The following EYA3 variants were observed in gnomAD, a reference collection of about 807,000 sequenced individuals.
EYA3 encodes the protein protein phosphatase EYA3.
A neutral mutation model predicts 80.0 loss-of-function variants in EYA3; 39 were observed. The observed-to-expected ratio is 0.49, with a 90% CI of 0.38 to 0.64. The LOEUF is 0.64. Ranked by LOEUF, EYA3 falls within the 30% of genes least tolerant of loss-of-function variation. The pLI, the probability that EYA3 is intolerant of heterozygous loss-of-function variation, is 0.00. For missense variants in EYA3, 523 were observed against 676.1 expected, an observed-to-expected ratio of 0.77 and a Z score of 2.51; for synonymous variants, 206 against 232.8, an observed-to-expected ratio of 0.88 and a Z score of 1.05.
At chr1:28,008,897 T>C (rs188470547) in intron 10 of EYA3, among the ~76,000 whole-genome samples, 233 of 152,310 alleles carry the variant, frequency 1.5e-3, no homozygotes, top group Non-Finnish European at 2.5e-3. Flanking sequence ...TGAGCCGAGA[T>C]TGTGCCACTG....
At chr1:27,983,648 T>TTA (rs1639456911) in intron 16 of EYA3, among the ~76,000 whole-genome samples, 1 of 152,204 alleles carries the variant, frequency 6.6e-6, no homozygotes, top group Non-Finnish European at 1.5e-5. Flanking sequence ...CAGGAATTCT[T>TTA]TATAGATTCT....
chr1:28,065,815 G>C (rs914817658), intron 1 of EYA3, among the ~76,000 whole-genome samples: 1 of 150,868 alleles, frequency 6.6e-6, no homozygotes, highest in South Asian at 2.1e-4. Context: ...CCAGCCTGGC[G>C]AACATGGTGA....
intron 2 of EYA3, 43 bp downstream of exon 2, chr1:28,057,951 G>A (rs768099762): frequency 8.5e-7 from 1 of 1,179,214 alleles, no homozygotes; most frequent in Non-Finnish European, 1.2e-6. Context: ...CTTAAGATTA[G>A]CTCTTCTACA....
intron 1 of EYA3, among the ~76,000 whole-genome samples, chr1:28,065,565 C>T (rs1029512782): frequency 1.3e-5 from 2 of 151,828 alleles, no homozygotes; most frequent in African/African-American, 2.4e-5. Context: ...CCAGCCCTAC[C>T]GTAGATCTTA....
chr1:27,979,305 A>G (rs1400209836), intron 16 of EYA3, among the ~76,000 whole-genome samples: 2 of 152,222 alleles, frequency 1.3e-5, no homozygotes, highest in Non-Finnish European at 2.9e-5. Context: ...TCCTGGGTAT[A>G]GGCCTTACGT....
At chr1:28,039,524 A>G (rs1280685919) in intron 4 of EYA3, among the ~76,000 whole-genome samples, 2 of 152,200 alleles carry the variant, frequency 1.3e-5, no homozygotes, top group Non-Finnish European at 2.9e-5. Flanking sequence ...ACTCTCAAAG[A>G]CTTTTCCAGC....
At chr1:28,008,932 C>G (rs1641492070) in intron 10 of EYA3, among the ~76,000 whole-genome samples, 1 of 152,052 alleles carries the variant, frequency 6.6e-6, no homozygotes, top group African/African-American at 2.4e-5. Context: ...AAATCAAAGC[C>G]ACAATAAGAT....
chr1:28,016,531 TTA>T (rs1491274412), intron 8 of EYA3, among the ~76,000 whole-genome samples: 1 of 101,770 alleles, frequency 9.8e-6, no homozygotes, highest in Non-Finnish European at 2.2e-5. Context: ...AGACTCCATC[TTA>T]AAAAAAAAAA....
chr1:28,082,660 T>A (rs1645469460), intron 1 of EYA3, among the ~76,000 whole-genome samples: 1 of 152,138 alleles, frequency 6.6e-6, no homozygotes, highest in Non-Finnish European at 1.5e-5. Context: ...GATGTTTCAG[T>A]TTTAGTCTTC....
intron 11 of EYA3, among the ~76,000 whole-genome samples, chr1:28,003,100 C>CAAAAAAAAA (rs1181469791): frequency 9.8e-5 from 6 of 61,214 alleles, no homozygotes; most frequent in African/African-American, 2.4e-4. Flanking sequence ...ACTAAAAATA[C>CAAAAAAAAA]AAAAAAAAAA....
chr1:27,986,305 C>T (rs1008570032), intron 16 of EYA3, among the ~76,000 whole-genome samples: 2 of 151,490 alleles, frequency 1.3e-5, no homozygotes, highest in Non-Finnish European at 1.5e-5. Context: ...GCAGAAGTTG[C>T]GGTAAGCCAA....
rs1324943337 is a variant in EYA3, at chr1:27,993,402, C to T, written c.1301G>A (p.Gly434Asp). Residue 434 changes from glycine to aspartate, a missense_variant and splice_region_variant, in exon 14 of 18, where the codon GGT becomes GAT. Gly to Asp is a moderately conservative substitution (Grantham distance 94, BLOSUM62 -1). Transcript: ENST00000373871. Reference protein sequence around the residue: ...EIYDKHKSNVGGLLSPQRKEA... With the variant: ...EIYDKHKSNVDGLLSPQRKEA... ...GACTGGTTATATGCCACACTTACCACCCACGTTGCTTTTATGCTTATCATA... is the reference window on the plus strand; with the variant it reads ...GACTGGTTATATGCCACACTTACCATCCACGTTGCTTTTATGCTTATCATA... 6 of 1,612,908 alleles carry T rather than the reference C, an allele frequency of 3.7e-6. No individual in the cohort carries two copies. The Middle Eastern group carries it at 4.9e-4, about 133-fold the overall frequency.
intron 8 of EYA3, among the ~76,000 whole-genome samples, chr1:28,016,451 C>T (rs1054203703): frequency 2.0e-5 from 3 of 150,600 alleles, no homozygotes; most frequent in African/African-American, 7.3e-5. Context: ...ATCACTTGAA[C>T]CTGAGAGGCA....
Position 28,048,371 on chromosome 1 carries a change from A to T in EYA3, c.77+12T>A, listed in dbSNP as rs1176484586. On this transcript the variant is annotated intron_variant, in intron 3 of 17. Transcript: ENST00000373871. ...TGAGTAGTTCATTAAAAAGAAAGCA[A>T]ACTTTACATACCTTATAGTTTGCTC... The T allele has an allele frequency of 1.3e-6, 2 of 1,582,130 alleles. No homozygotes were observed. The highest frequency in any genetic ancestry group is 3.8e-5 in the Admixed American group (2 of 52,770).
chr1:28,022,423 C>T (rs1165111743), intron 7 of EYA3, among the ~76,000 whole-genome samples: 1 of 152,084 alleles, frequency 6.6e-6, no homozygotes, highest in Non-Finnish European at 1.5e-5. Context: ...GCTGGGATTA[C>T]AGGTATGAGC....
At chr1:28,018,721 T>G (rs1317316847) in intron 7 of EYA3, among the ~76,000 whole-genome samples, 1 of 152,230 alleles carries the variant, frequency 6.6e-6, no homozygotes, top group Non-Finnish European at 1.5e-5. Flanking sequence ...ACCCCAGCTT[T>G]AAGATGAAGA....
intron 1 of EYA3, among the ~76,000 whole-genome samples, chr1:28,058,641 A>G (rs1644511577): frequency 6.6e-6 from 1 of 152,242 alleles, no homozygotes; most frequent in Non-Finnish European, 1.5e-5. Context: ...ATAAAAATAA[A>G]TAAGTAGAGT....
At position 28,001,800 on chromosome 1, in the gene EYA3, G is replaced by A. The variant is rs1464757492; in HGVS notation, c.994-1751C>T. Among the ~76,000 whole-genome samples the A allele has an allele frequency of 3.2e-4, 46 of 145,862 alleles. 1 individual carries two copies. The highest frequency in any genetic ancestry group is 1.1e-3 in the African/African-American group (44 of 39,906). On this transcript the variant is annotated intron_variant, in intron 11 of 17. Coordinates refer to ENST00000373871, the MANE Select transcript of EYA3 (RefSeq NM_001990.4). The stretch of plus-strand genomic sequence containing the variant: ...GGCTGGAGTGCTGCGGCGCGATCTC[G>A]GCTCACTGCAACCTCCACCTCCCAG...
Position 28,000,053 on chromosome 1 carries a change from GAAGAC to G in EYA3, c.994-9_994-5del, listed in dbSNP as rs1327492614. 6.3e-7 allele frequency: 1 copy of G among 1,585,678 alleles called. No homozygotes were observed. The highest frequency in any genetic ancestry group is 1.2e-5 in the South Asian group (1 of 85,190). ...AGCCAATCACTACTGTTGGGTCCTAGAAGACAATAAGAAAAAATCAGCTTGACTTG... is the reference window on the plus strand; with the variant it reads ...AGCCAATCACTACTGTTGGGTCCTAGAATAAGAAAAAATCAGCTTGACTTG... On this transcript the variant is annotated splice_polypyrimidine_tract_variant and splice_region_variant and intron_variant, in intron 11 of 17. Transcript: ENST00000373871.
Sources: allele counts gnomAD v4.1 joint callset (sites outside exome capture counted in the v4.1 genomes callset), GRCh38; gene constraint gnomAD v4.1.1; transcripts MANE v1.5; gene names NCBI Gene and HGNC (gene_info 2026-07-23, HGNC 2026-07-21).